COL5A1: variants seen among roughly 807,000 people sequenced by gnomAD.
COL5A1 encodes collagen type V alpha 1 chain.
COL5A1 carries 16 observed loss-of-function variants against 263.7 expected under a neutral mutation model. That is an observed-to-expected ratio of 0.06 (90% confidence interval 0.04 to 0.09). The LOEUF (loss-of-function observed/expected upper bound fraction) is 0.09. COL5A1 is among the 10% of genes least tolerant of loss of function. The probability of loss-of-function intolerance (pLI) is 1.00; values close to 1 mark genes in which losing one functional copy is unlikely to be tolerated. For missense variants in COL5A1, 2,036 were observed against 2,540.5 expected (o/e 0.80, Z 4.27); for synonymous variants, 1,012 against 1,004.5 (o/e 1.01, Z -0.14).
At chr9:134,699,759 T>C (rs1480312763) in intron 2 of COL5A1, 150 bp from the exon 3 acceptor site, 1 of 778,870 alleles carries the variant, frequency 1.3e-6, no homozygotes, top group Non-Finnish European at 2.2e-6. Flanking sequence ...AGCAGTTTGA[T>C]CAAGGGGCAG....
At chr9:134,704,324 G>T (rs961254497) in intron 4 of COL5A1, among the ~76,000 whole-genome samples, 1 of 152,144 alleles carries the variant, frequency 6.6e-6, no homozygotes, top group Non-Finnish European at 1.5e-5. Context: ...GGCACCGTGA[G>T]AATTAATCCA....
chr9:134,826,032 A>T, intron 63 of COL5A1, 128 bp downstream of exon 63: 1 of 600,230 alleles, frequency 1.7e-6, no homozygotes, highest in Non-Finnish European at 3.0e-6. Context: ...CCGTTTCATC[A>T]GTGAAACTGT....
chr9:134,645,798 C>T (rs569751305), intron 1 of COL5A1, among the ~76,000 whole-genome samples: 11 of 152,334 alleles, frequency 7.2e-5, no homozygotes, highest in South Asian at 4.1e-4. Flanking sequence ...CACTTCCCAT[C>T]GGTTTATCAG....
chr9:134,757,558 C>G lies in COL5A1; in HGVS notation c.1882-685C>G, dbSNP rs78457195. Among the ~76,000 whole-genome samples the G allele has an allele frequency of 0.042, 6,345 of 152,290 alleles. 181 individuals carry two copies. Among genetic ancestry groups the G allele is most frequent in the Non-Finnish European group, 0.057 (3,890 of 68,034 alleles). ...CGTGGATGAGCTCTGAAGTGCATCC[C>G]GTCAGTCCCAAGCTAGTGAGGTGGC... On this transcript the variant is annotated intron_variant, in intron 17 of 65. Coordinates refer to ENST00000371817, the MANE Select transcript of COL5A1 (RefSeq NM_000093.5). The surrounding 1 kb of genome is among the most constrained non-coding windows in gnomAD (Gnocchi z 6.2).
At position 134,643,968 on chromosome 9, in the gene COL5A1, T is replaced by C. The variant is rs539530075; in HGVS notation, c.109+1672T>C. Reference sequence around the variant, plus strand: ...TGTCTTTTTCCCTCTCTGGTTGCCCTCGCTAATCGAAGTGCGGCTCGTTGG... The same window carrying C: ...TGTCTTTTTCCCTCTCTGGTTGCCCCCGCTAATCGAAGTGCGGCTCGTTGG... On this transcript the variant is annotated intron_variant, in intron 1 of 65. Transcript: ENST00000371817. 5.9e-5 allele frequency among the ~76,000 whole-genome samples: 9 copies of C among 152,228 alleles called. No individual in the cohort carries two copies. The South Asian group carries it at 1.5e-3, about 25-fold the overall frequency.
chr9:134,841,730 G>A lies in COL5A1; in HGVS notation c.5371-427G>A, dbSNP rs1830107961. 6.6e-6 allele frequency among the ~76,000 whole-genome samples: 1 copy of A among 152,066 alleles called. No individual in the cohort carries two copies. Among genetic ancestry groups the A allele is most frequent in the Non-Finnish European group, 1.5e-5 (1 of 68,016 alleles). On this transcript the variant is annotated intron_variant, in intron 65 of 65. Coordinates refer to ENST00000371817, the MANE Select transcript of COL5A1 (RefSeq NM_000093.5). This position sits in a 1 kb window ranked among gnomAD's most constrained non-coding sequence, Gnocchi z 4.8. ...CTTCCTTTTCGAACCTGGAGCCCCCGTTTGATTTTCCAGTGTGCCCTGCTT... is the reference window on the plus strand; with the variant it reads ...CTTCCTTTTCGAACCTGGAGCCCCCATTTGATTTTCCAGTGTGCCCTGCTT...
rs1418643040 is a variant in COL5A1, at chr9:134,818,694, C to T, written c.4269C>T (p.Gly1423=). Residue 1423 remains glycine (G), a synonymous_variant, in exon 55 of 66, where the codon GGC becomes GGT. Transcript: ENST00000371817. This position sits in a 1 kb window ranked among gnomAD's most constrained non-coding sequence, Gnocchi z 6.0. ...AGLEGPPGKT[G]PIGPQGAPGK... ...TGGAAGGCCCTCCTGGGAAGACTGG[C>T]CCCATCGGCCCCCAGGGGGCCCCTG... 1 of 1,609,376 alleles carries T rather than the reference C, an allele frequency of 6.2e-7. No homozygotes were observed. Among genetic ancestry groups the T allele is most frequent in the African/African-American group, 1.3e-5 (1 of 74,934 alleles).
intron 61 of COL5A1, among the ~76,000 whole-genome samples, chr9:134,823,834 T>A (rs1032870551): frequency 2.0e-5 from 3 of 151,280 alleles, no homozygotes; most frequent in African/African-American, 7.3e-5. Context: ...GCATGTGTAA[T>A]GTGTGTGTAC....
Position 134,841,674 on chromosome 9 carries a change from C to T in COL5A1, c.5371-483C>T, listed in dbSNP as rs1306571171. ...GTGGTCGTAGGGGGGTCTTACTTGGCTCAAGGCTCTGCCGGTGCCGCCTCG... is the reference window on the plus strand; with the variant it reads ...GTGGTCGTAGGGGGGTCTTACTTGGTTCAAGGCTCTGCCGGTGCCGCCTCG... On this transcript the variant is annotated intron_variant, in intron 65 of 65. Coordinates refer to ENST00000371817, the MANE Select transcript of COL5A1 (RefSeq NM_000093.5). This position sits in a 1 kb window ranked among gnomAD's most constrained non-coding sequence, Gnocchi z 4.8. 6.6e-6 allele frequency among the ~76,000 whole-genome samples: 1 copy of T among 152,142 alleles called. No individual in the cohort carries two copies. Among genetic ancestry groups the T allele is most frequent in the Non-Finnish European group, 1.5e-5 (1 of 68,030 alleles).
chr9:134,760,116 G>T (rs1239953299), intron 18 of COL5A1, among the ~76,000 whole-genome samples: 4 of 41,182 alleles, frequency 9.7e-5, no homozygotes, highest in Admixed American at 3.4e-4. Flanking sequence ...ACTCATACAC[G>T]CCCACACACC....
intron 19 of COL5A1, among the ~76,000 whole-genome samples, chr9:134,762,781 T>A (rs55903144): frequency 0.052 from 7,934 of 152,178 alleles, 254 homozygotes; most frequent in African/African-American, 0.085. Context: ...GGGCACCTGC[T>A]CCTGTGTGGG....
intron 27 of COL5A1, among the ~76,000 whole-genome samples, chr9:134,776,028 C>T (rs1837040491): frequency 6.6e-6 from 1 of 152,176 alleles, no homozygotes; most frequent in South Asian, 2.1e-4. Context: ...AAAATCGAGG[C>T]TGCTGTCAGA....
At chr9:134,684,138 G>A (rs1332725174) in intron 1 of COL5A1, among the ~76,000 whole-genome samples, 1 of 152,248 alleles carries the variant, frequency 6.6e-6, no homozygotes, top group African/African-American at 2.4e-5. Context: ...GAGCCTGAGA[G>A]ATGCTCTCCA....
At chr9:134,728,129 C>G (rs147941868) in intron 5 of COL5A1, among the ~76,000 whole-genome samples, 141 of 152,372 alleles carry the variant, frequency 9.3e-4, no homozygotes, top group African/African-American at 3.2e-3. Flanking sequence ...ACCCCGTGGC[C>G]CAGGCCACAT....
chr9:134,750,985 C>T, intron 13 of COL5A1, 103 bp downstream of exon 13: 1 of 1,007,038 alleles, frequency 9.9e-7, no homozygotes, highest in South Asian at 1.4e-5. Context: ...TGGAGGGAAG[C>T]AGCTGTCTTG....
chr9:134,800,749 C>A (rs868134136), intron 37 of COL5A1, among the ~76,000 whole-genome samples: 33 of 81,576 alleles, frequency 4.0e-4, no homozygotes, highest in East Asian at 4.6e-4. Flanking sequence ...CTGTCTCAAA[C>A]AAAAAAAAAA....
intron 32 of COL5A1, among the ~76,000 whole-genome samples, chr9:134,792,911 GTGTGTGTGCGCA>G (rs1837767991): frequency 3.0e-5 from 1 of 33,612 alleles, no homozygotes; most frequent in Admixed American, 3.5e-4. Flanking sequence ...GTGCACGCGC[GTGTGTGTGCGCA>G]TGTGTATGTG....
chr9:134,761,037 C>T (rs1453139331), intron 18 of COL5A1, among the ~76,000 whole-genome samples: 1 of 149,608 alleles, frequency 6.7e-6, no homozygotes, highest in Non-Finnish European at 1.5e-5. Flanking sequence ...CGTGCACAGG[C>T]TCCACACATG....
At chr9:134,738,398 C>T (rs2132655000) in intron 9 of COL5A1, 76 bp from the exon 10 acceptor site, 2 of 1,550,928 alleles carry the variant, frequency 1.3e-6, no homozygotes, top group South Asian at 1.1e-5. Flanking sequence ...CAGCTGAAGG[C>T]CGTCCACACC....
Sources: gnomAD v4.1 joint callset for allele counts (sites outside exome capture counted in the v4.1 genomes callset) on GRCh38, gnomAD v4.1.1 for gene constraint, Gnocchi (gnomAD v3.1) non-coding constraint, MANE v1.5 for transcripts, NCBI Gene and HGNC (gene_info 2026-07-23, HGNC 2026-07-21) for gene names.